CHID1: variants seen among roughly 807,000 people sequenced by gnomAD.
CHID1 encodes the protein chitinase domain containing 1.
Under a neutral mutation model 55.4 loss-of-function variants are expected in CHID1, and 44 were observed. The observed-to-expected ratio is 0.79, with a 90% CI of 0.62 to 1.02. The LOEUF (loss-of-function observed/expected upper bound fraction) is 1.02, where lower values mean the gene tolerates loss of function less well. CHID1 is among the 50% of genes least tolerant of loss of function. The pLI is 0.00. For missense variants in CHID1, 491 were observed against 515.3 expected (o/e 0.95, Z 0.46); for synonymous variants, 216 against 212.9 (o/e 1.01, Z -0.13).
rs1251029834 is a variant in CHID1, at chr11:868,616, T to G, written c.*1242A>C. 1 of 151,922 alleles carries G rather than the reference T, an allele frequency of 6.6e-6. No individual in the cohort carries two copies. The highest frequency in any genetic ancestry group is 1.5e-5 in the Non-Finnish European group (1 of 67,990). 9.4% of individuals were successfully genotyped at this position (151,922 alleles called of 1,614,324 possible). A position where few individuals can be genotyped will look rare whatever the true frequency, so the allele number is the denominator to read the frequency against. ...GCCTCCCTGACGTCCAGGCGGAGGC[T>G]TTCTCAAGTGTGGGTGCCTTGGGTC... On this transcript the variant is annotated 3_prime_UTR_variant, in exon 13 of 13. Transcript: ENST00000323578.
intron 9 of CHID1, among the ~76,000 whole-genome samples, chr11:883,826 T>C (rs1330971665): frequency 1.3e-5 from 2 of 152,206 alleles, no homozygotes; most frequent in African/African-American, 4.8e-5. Flanking sequence ...ACTATGCCTG[T>C]ACCTCTGGCC....
chr11:881,231 C>T (rs1199452457), intron 10 of CHID1, among the ~76,000 whole-genome samples: 1 of 152,102 alleles, frequency 6.6e-6, no homozygotes. Flanking sequence ...ATCGCTTGAG[C>T]CCAGGAGTTC....
upstream of CHID1, chr11:914,512 C>T: frequency 7.8e-7 from 1 of 1,288,754 alleles, no homozygotes; most frequent in Non-Finnish European, 1.0e-6. Context: ...TTAGGAGACC[C>T]CATGCCTTAC....
intron 10 of CHID1, chr11:870,782 T>G: frequency 2.6e-6 from 1 of 380,204 alleles, no homozygotes; most frequent in Non-Finnish European, 5.0e-6. Flanking sequence ...GGCCTGAAAC[T>G]GCCTGAGCCT....
chr11:914,616 C>T (rs1414199498), upstream of CHID1: 3 of 1,265,182 alleles, frequency 2.4e-6, no homozygotes, highest in East Asian at 1.1e-4. Context: ...CGCCGTAATC[C>T]CAGCACTTCG....
chr11:909,805 T>C (rs543431492), intron 1 of CHID1, among the ~76,000 whole-genome samples: 1 of 152,306 alleles, frequency 6.6e-6, no homozygotes, highest in African/African-American at 2.4e-5. Context: ...CAGCCAGACC[T>C]GGTCTCTACA....
intron 10 of CHID1, among the ~76,000 whole-genome samples, chr11:882,022 GA>G (rs1849983788): frequency 7.1e-6 from 1 of 141,368 alleles, no homozygotes; most frequent in Non-Finnish European, 1.5e-5. Context: ...AAAAAAAAAA[GA>G]AAACAGAGAA....
Position 868,751 on chromosome 11 carries a change from C to G in CHID1, c.*1107G>C. ...CCCTGCCCACTGCGCCCTAACATTA[C>G]TGACTCTAAACCAGAACCCAGTGCC... On this transcript the variant is annotated 3_prime_UTR_variant, in exon 13 of 13. Transcript: ENST00000323578. The G allele has an allele frequency of 6.6e-6, 1 of 152,276 alleles. No homozygotes were observed. The highest frequency in any genetic ancestry group is 2.1e-4 in the South Asian group (1 of 4,804). 9.4% of individuals were successfully genotyped at this position (152,276 alleles called of 1,614,324 possible).
At chr11:899,230 A>G (rs1851619088) in intron 7 of CHID1, 110 bp downstream of exon 7, 3 of 1,051,496 alleles carry the variant, frequency 2.9e-6, no homozygotes, top group Non-Finnish European at 4.3e-6. Flanking sequence ...CACCCCAGGC[A>G]CAGGGACTGT....
intron 8 of CHID1, among the ~76,000 whole-genome samples, chr11:887,159 G>C (rs1234644099): frequency 6.6e-6 from 1 of 152,106 alleles, no homozygotes; most frequent in East Asian, 1.9e-4. Context: ...AGCCTCCCGA[G>C]TAGCTGGGAC....
At chr11:886,600 G>A (rs1806612524) in intron 8 of CHID1, among the ~76,000 whole-genome samples, 1 of 152,240 alleles carries the variant, frequency 6.6e-6, no homozygotes, top group African/African-American at 2.4e-5. Context: ...GCGCCCCATG[G>A]TGGAGTTAGT....
At chr11:885,940 CAGG>C (rs748105665) in intron 8 of CHID1, among the ~76,000 whole-genome samples, 6 of 151,996 alleles carry the variant, frequency 3.9e-5, no homozygotes, top group Admixed American at 1.3e-4. Context: ...ATCACGAGGT[CAGG>C]AGATCGAGAC....
intron 8 of CHID1, 92 bp downstream of exon 8, chr11:893,335 G>A: frequency 3.0e-6 from 3 of 1,003,146 alleles, no homozygotes; most frequent in South Asian, 1.5e-5. Flanking sequence ...CTGAGCAGGA[G>A]GGCCTGGGCC....
intron 10 of CHID1, among the ~76,000 whole-genome samples, chr11:872,234 T>C (rs1185173601): frequency 6.6e-6 from 1 of 152,208 alleles, no homozygotes; most frequent in Non-Finnish European, 1.5e-5. Flanking sequence ...CTTGGCTCAC[T>C]GTAACCTCCG....
chr11:869,587 C>A lies in CHID1; in HGVS notation c.*271G>T. The A allele has an allele frequency of 1.8e-6, 1 of 563,794 alleles. No homozygotes were observed. Among genetic ancestry groups the A allele is most frequent in the Non-Finnish European group, 3.2e-6 (1 of 314,772 alleles). The allele number at this position is 563,794 out of a possible 1,614,324, so 34.9% of individuals were successfully genotyped here. On this transcript the variant is annotated 3_prime_UTR_variant, in exon 13 of 13. Transcript: ENST00000323578. ...CCAGGCTGTCCTGGTGGGGCAGGTA[C>A]TGTGGGCCCCGCCTGCCCAGCTGAC...
In CHID1 at chr11:902,077, C is replaced by G; in HGVS notation, c.394+121G>C. 3 of 1,108,314 alleles carry G rather than the reference C, an allele frequency of 2.7e-6. No individual in the cohort carries two copies. The South Asian group carries it at 4.2e-5, about 16-fold the overall frequency. 68.7% of individuals were successfully genotyped at this position (1,108,314 alleles called of 1,614,324 possible). A position where few individuals can be genotyped will look rare whatever the true frequency, so the allele number is the denominator to read the frequency against. ...CACTTAAATCACGCAGAGACACACA[C>G]ACACTCCCATACAGAGACACCCACA... is the stretch of plus-strand genomic sequence containing the variant. On this transcript the variant is annotated intron_variant, in intron 4 of 12. Transcript: ENST00000323578.
At chr11:892,203 G>A (rs754845650) in intron 8 of CHID1, among the ~76,000 whole-genome samples, 1 of 152,238 alleles carries the variant, frequency 6.6e-6, no homozygotes, top group Admixed American at 6.5e-5. Context: ...ACTTGGGCCC[G>A]TTATTGCCGG....
chr11:913,443 T>G (rs114413257), upstream of CHID1, among the ~76,000 whole-genome samples: 3,727 of 152,244 alleles, frequency 0.024, 165 homozygotes, highest in African/African-American at 0.085. Context: ...TAATTGAGTT[T>G]ATAGATGGGA....
rs989499565 is a variant in CHID1, at chr11:908,849, C to G, written c.-44+1926G>C. Among the ~76,000 whole-genome samples the G allele has an allele frequency of 1.4e-4, 21 of 152,170 alleles. 1 individual carries two copies. The highest frequency in any genetic ancestry group is 1.4e-3 in the Admixed American group (21 of 15,264). On this transcript the variant is annotated intron_variant, in intron 1 of 12. Coordinates refer to ENST00000323578, the MANE Select transcript of CHID1 (RefSeq NM_023947.4). ...GGCCCCTCTGCCTATGACCTCCCTG[C>G]CCCCCAACCTGTGATTTCACACTTC...
Sources: gnomAD v4.1 joint callset for allele counts (sites outside exome capture counted in the v4.1 genomes callset) on GRCh38, gnomAD v4.1.1 for gene constraint, MANE v1.5 for transcripts, NCBI Gene and HGNC (gene_info 2026-07-23, HGNC 2026-07-21) for gene names.